Variants in POLR2J observed in about 807,000 individuals in gnomAD.
POLR2J encodes RNA polymerase II subunit J, also known as DNA-directed RNA polymerase II subunit RPB11-a.
POLR2J carries 12 observed loss-of-function variants against 13.4 expected under a neutral mutation model. The ratio of observed to expected loss-of-function variants is 0.90; its 90% CI spans 0.57 to 1.45. The LOEUF is 1.45. POLR2J is among the 40% of genes most tolerant of loss of function. The probability of loss-of-function intolerance (pLI) is 0.00; values close to 1 mark genes in which losing one functional copy is unlikely to be tolerated. For synonymous variants in POLR2J, 31 were observed against 53.6 expected (o/e 0.58, Z 1.84); for missense variants, 58 against 132.0 (o/e 0.44, Z 2.75).
Position 102,478,899 on chromosome 7 carries a change from C to T in POLR2J, c.-39G>A, listed in dbSNP as rs766397832. 31 of 1,609,022 alleles carry T rather than the reference C, an allele frequency of 1.9e-5. No homozygotes were observed. Among genetic ancestry groups the T allele is most frequent in the African/African-American group, 6.7e-5 (5 of 74,834 alleles). On this transcript the variant is annotated 5_prime_UTR_variant, in exon 1 of 4. Transcript: ENST00000292614. ...TTGCGTCCAGACCCCAAGGGTCCGC[C>T]GCCGCCGCCACCAGAGCCCTAATAA... is the stretch of plus-strand genomic sequence containing the variant.
chr7:102,475,150 G>C (rs1232541344), intron 2 of POLR2J, among the ~76,000 whole-genome samples: 3 of 152,368 alleles, frequency 2.0e-5, no homozygotes, highest in East Asian at 3.9e-4. Flanking sequence ...GGCCCCAGGA[G>C]AGCTTGGGTG....
At chr7:102,475,197 C>A (rs1192768600) in intron 2 of POLR2J, among the ~76,000 whole-genome samples, 1 of 152,228 alleles carries the variant, frequency 6.6e-6, no homozygotes, top group Non-Finnish European at 1.5e-5. Flanking sequence ...GTCCTCCATC[C>A]CTGCGCCTGC....
chr7:102,478,713 T>C (rs1307018502), intron 1 of POLR2J, 95 bp downstream of exon 1: 4 of 1,560,042 alleles, frequency 2.6e-6, no homozygotes, highest in Middle Eastern at 2.3e-4. Flanking sequence ...GCAAAAGCTG[T>C]TTCCCTCCCG....
At position 102,473,257 on chromosome 7, in the gene POLR2J, G is replaced by C; in HGVS notation, c.*392C>G. On this transcript the variant is annotated 3_prime_UTR_variant, in exon 4 of 4. Transcript: ENST00000292614. ...CCCAGGAGTTGAGGCTTCTAGAGCA[G>C]AGACTCTTGGGAGCTCATGGGTTTG... 1.5e-6 allele frequency: 1 copy of C among 651,894 alleles called. No individual in the cohort carries two copies. Among genetic ancestry groups the C allele is most frequent in the Non-Finnish European group, 2.5e-6 (1 of 392,504 alleles). The allele number at this position is 651,894 out of a possible 1,614,324, so 40.4% of individuals were successfully genotyped here.
At chr7:102,474,917 A>G (rs1231386103) in intron 2 of POLR2J, among the ~76,000 whole-genome samples, 1 of 150,314 alleles carries the variant, frequency 6.7e-6, no homozygotes, top group Non-Finnish European at 1.5e-5. Flanking sequence ...GAGGAGGGCC[A>G]GCTGCCGGCA....
intron 2 of POLR2J, 33 bp downstream of exon 2, chr7:102,476,148 A>T (rs1247540143): frequency 1.2e-6 from 1 of 855,304 alleles, no homozygotes; most frequent in Non-Finnish European, 1.8e-6. Flanking sequence ...CCCATTAAAC[A>T]CAGCCCCTGA....
Position 102,473,502 on chromosome 7 carries a change from A to AAAGGACACGTCGGTGT in POLR2J, c.*146_*147insACACCGACGTGTCCTT. The AAAGGACACGTCGGTGT allele has an allele frequency of 1.0e-5, 10 of 1,001,054 alleles. No individual in the cohort carries two copies. Among genetic ancestry groups the AAAGGACACGTCGGTGT allele is most frequent in the Admixed American group, 3.6e-5 (1 of 28,114 alleles). The allele number at this position is 1,001,054 out of a possible 1,614,324, so 62.0% of individuals were successfully genotyped here. A position where few individuals can be genotyped will look rare whatever the true frequency, so the allele number is the denominator to read the frequency against. On this transcript the variant is annotated 3_prime_UTR_variant, in exon 4 of 4. Transcript: ENST00000292614. ...TAGGAATATAAAACCTAATCTATGT[A>AAAGGACACGTCGGTGT]CAGGACACGTCGGTGTCAGGGTGAG...
At position 102,473,495 on chromosome 7, in the gene POLR2J, T is replaced by G; in HGVS notation, c.*154A>C. ...ACTTTATTAGGAATATAAAACCTAA[T>G]CTATGTACAGGACACGTCGGTGTCA... On this transcript the variant is annotated 3_prime_UTR_variant, in exon 4 of 4. Transcript: ENST00000292614. 1.1e-6 allele frequency: 1 copy of G among 933,400 alleles called. No homozygotes were observed. The highest frequency in any genetic ancestry group is 2.8e-5 in the African/African-American group (1 of 36,230). 57.8% of individuals were successfully genotyped at this position (933,400 alleles called of 1,614,324 possible). A position where few individuals can be genotyped will look rare whatever the true frequency, so the allele number is the denominator to read the frequency against.
chr7:102,473,762 C>CCCCGCCAGG, intron 3 of POLR2J, 78 bp from the exon 4 acceptor site: 1 of 1,586,276 alleles, frequency 6.3e-7, no homozygotes. Context: ...CCAGCATCCC[C>CCCCGCCAGG]CCCGCCAGGC....
Position 102,473,176 on chromosome 7 carries a change from G to T in POLR2J, c.*473C>A, listed in dbSNP as rs1798278496. On this transcript the variant is annotated 3_prime_UTR_variant, in exon 4 of 4. Coordinates refer to ENST00000292614, the MANE Select transcript of POLR2J (RefSeq NM_006234.6). The stretch of plus-strand genomic sequence containing the variant: ...CTCTACTGTGGACAAGAAGCCTGTG[G>T]AAAGGTGTTTCGAGTTATGCAGGAA... 1 of 1,153,516 alleles carries T rather than the reference G, an allele frequency of 8.7e-7. No homozygotes were observed. Among genetic ancestry groups the T allele is most frequent in the Non-Finnish European group, 1.2e-6 (1 of 829,496 alleles). The allele number at this position is 1,153,516 out of a possible 1,614,324, so 71.5% of individuals were successfully genotyped here. A position where few individuals can be genotyped will look rare whatever the true frequency, so the allele number is the denominator to read the frequency against.
intron 3 of POLR2J, 24 bp from the exon 4 acceptor site, chr7:102,473,708 G>C (rs372453110): frequency 2.5e-6 from 4 of 1,613,596 alleles, no homozygotes; most frequent in African/African-American, 1.3e-5. Flanking sequence ...AGGTGGTGGA[G>C]ACTGAGCTGG....
intron 1 of POLR2J, among the ~76,000 whole-genome samples, chr7:102,478,518 C>G (rs960649228): frequency 6.6e-6 from 1 of 151,972 alleles, no homozygotes; most frequent in Non-Finnish European, 1.5e-5. Flanking sequence ...CTGCCAGATC[C>G]CAGAGGAAAA....
Position 102,473,248 on chromosome 7 carries a change from T to G in POLR2J, c.*401A>C, listed in dbSNP as rs539757267. On this transcript the variant is annotated 3_prime_UTR_variant, in exon 4 of 4. Transcript: ENST00000292614. ...ACAGGCAGGCCCAGGAGTTGAGGCT[T>G]CTAGAGCAGAGACTCTTGGGAGCTC... The G allele has an allele frequency of 4.6e-5, 31 of 672,844 alleles. No individual in the cohort carries two copies. Among genetic ancestry groups the G allele is most frequent in the Admixed American group, 1.2e-4 (4 of 33,316 alleles). The allele number at this position is 672,844 out of a possible 1,614,324, so 41.7% of individuals were successfully genotyped here. A position where few individuals can be genotyped will look rare whatever the true frequency, so the allele number is the denominator to read the frequency against.
chr7:102,473,922 C>G (rs968465904), intron 3 of POLR2J: 2 of 1,434,762 alleles, frequency 1.4e-6, no homozygotes, highest in East Asian at 2.5e-5. Flanking sequence ...ACGACTCAGA[C>G]GTTGAAATCC....
chr7:102,477,931 G>A (rs1299078465), intron 1 of POLR2J, among the ~76,000 whole-genome samples: 1 of 129,752 alleles, frequency 7.7e-6, no homozygotes, highest in African/African-American at 2.7e-5. Context: ...CCTCCCACCT[G>A]AGCCTCCCAA....
At chr7:102,474,153 G>GTCCCCACTACTGC (rs1798339014) in intron 3 of POLR2J, 1 of 1,529,898 alleles carries the variant, frequency 6.5e-7, no homozygotes, top group Non-Finnish European at 8.8e-7. Context: ...CACTACAGAA[G>GTCCCCACTACTGC]TCCCATGGGG....
At position 102,474,868 on chromosome 7, in the gene POLR2J, C is replaced by G. The variant is rs1463527788; in HGVS notation, c.144-333G>C. Among the ~76,000 whole-genome samples the G allele has an allele frequency of 9.7e-3, 1,432 of 148,258 alleles. 7 individuals carry two copies. Among genetic ancestry groups the G allele is most frequent in the Middle Eastern group, 0.06 (17 of 282 alleles). On this transcript the variant is annotated intron_variant, in intron 2 of 3. Coordinates refer to ENST00000292614, the MANE Select transcript of POLR2J (RefSeq NM_006234.6). ...GTTCAGTGACTCAGACCCAAAAAGC[C>G]CACAAAGAGCCTCCACGCAGCAAAT... is the stretch of plus-strand genomic sequence containing the variant.
chr7:102,475,662 G>C (rs1296454468), intron 2 of POLR2J, among the ~76,000 whole-genome samples: 1 of 152,248 alleles, frequency 6.6e-6, no homozygotes, highest in Non-Finnish European at 1.5e-5. Flanking sequence ...AGTAGCTCAC[G>C]TCTCTAATCC....
chr7:102,476,149 C>T lies in POLR2J; in HGVS notation c.143+32G>A, dbSNP rs371311568. 3.3e-4 allele frequency: 279 copies of T among 851,738 alleles called. 1 individual carries two copies. Among genetic ancestry groups the T allele is most frequent in the East Asian group, 3.0e-3 (100 of 33,666 alleles). The allele number at this position is 851,738 out of a possible 1,614,324, so 52.8% of individuals were successfully genotyped here. On this transcript the variant is annotated intron_variant, in intron 2 of 3. Coordinates refer to ENST00000292614, the MANE Select transcript of POLR2J (RefSeq NM_006234.6). ...TTTGCCCAGGGGGGCCCATTAAACACAGCCCCTGAGAGCCTGTGACGGGAA... is the reference window on the plus strand; with the variant it reads ...TTTGCCCAGGGGGGCCCATTAAACATAGCCCCTGAGAGCCTGTGACGGGAA...
Sources: allele counts gnomAD v4.1 joint callset (sites outside exome capture counted in the v4.1 genomes callset), GRCh38; gene constraint gnomAD v4.1.1; transcripts MANE v1.5; gene names NCBI Gene and HGNC (gene_info 2026-07-23, HGNC 2026-07-21).